Variants in GALNTL6 observed in about 807,000 individuals in gnomAD.
GALNTL6 encodes polypeptide N-acetylgalactosaminyltransferase like 6, also known as polypeptide N-acetylgalactosaminyltransferase-like 6.
In GALNTL6, 46 loss-of-function variants were observed where a neutral mutation model predicts 73.7. That is an observed-to-expected ratio of 0.62 (90% CI 0.49 to 0.80). The LOEUF is 0.80. GALNTL6 is among the 30% of genes least tolerant of loss of function. The pLI, the probability that GALNTL6 is intolerant of heterozygous loss-of-function variation, is 0.00. For synonymous variants in GALNTL6, 259 were observed against 263.7 expected, an observed-to-expected ratio of 0.98 and a Z score of 0.17; for missense variants, 604 against 755.0, an observed-to-expected ratio of 0.80 and a Z score of 2.34.
At chr4:171,963,457 A>G (rs1739290775) in intron 2 of GALNTL6, among the ~76,000 whole-genome samples, 1 of 124,662 alleles carries the variant, frequency 8.0e-6, no homozygotes, top group African/African-American at 2.9e-5. Flanking sequence ...GTGGAATTTA[A>G]AGAGTGTTAT....
At chr4:172,658,492 G>GAA (rs910757766) in intron 5 of GALNTL6, among the ~76,000 whole-genome samples, 1 of 141,578 alleles carries the variant, frequency 7.1e-6, no homozygotes, top group Non-Finnish European at 1.6e-5. Context: ...GAAAGAAAAA[G>GAA]AAAAAAAAAA....
chr4:172,307,012 C>T (rs1305567921), intron 3 of GALNTL6, among the ~76,000 whole-genome samples: 2 of 152,134 alleles, frequency 1.3e-5, no homozygotes, highest in South Asian at 4.1e-4. Context: ...GGTAGTTCTA[C>T]TTTTAGTTCT....
chr4:172,733,954 C>T (rs1736303075), intron 5 of GALNTL6, among the ~76,000 whole-genome samples: 1 of 152,074 alleles, frequency 6.6e-6, no homozygotes, highest in African/African-American at 2.4e-5. Flanking sequence ...CAGAAGAAGA[C>T]AGGAAGATGT....
chr4:171,962,915 G>A (rs1054932718), intron 2 of GALNTL6, among the ~76,000 whole-genome samples: 1 of 151,538 alleles, frequency 6.6e-6, no homozygotes, highest in Non-Finnish European at 1.5e-5. Flanking sequence ...CTATAGGTGT[G>A]CACCACCATG....
At chr4:171,989,412 C>T (rs1740254460) in intron 2 of GALNTL6, among the ~76,000 whole-genome samples, 1 of 152,256 alleles carries the variant, frequency 6.6e-6, no homozygotes, top group Admixed American at 6.5e-5. Context: ...CAATGGGTTC[C>T]TACACAGATG....
intron 12 of GALNTL6, among the ~76,000 whole-genome samples, chr4:173,033,296 C>G (rs1000419024): frequency 6.6e-6 from 1 of 151,894 alleles, no homozygotes; most frequent in Non-Finnish European, 1.5e-5. Flanking sequence ...AGCCACTGTG[C>G]CCAGCCAAGA....
chr4:172,944,584 A>G (rs538359073), intron 9 of GALNTL6, among the ~76,000 whole-genome samples: 1 of 152,364 alleles, frequency 6.6e-6, no homozygotes, highest in South Asian at 2.1e-4. Context: ...CTAGAGTACA[A>G]CCTAGCCATT....
At position 172,562,227 on chromosome 4, in the gene GALNTL6, C is replaced by A. The variant is rs150557970; in HGVS notation, c.553+213538C>A. On this transcript the variant is annotated intron_variant, in intron 5 of 12. Coordinates refer to ENST00000506823, the MANE Select transcript of GALNTL6 (RefSeq NM_001034845.3). ...ACTCATTAGAAAGTGGTTGCTTCTG[C>A]TGGCAATCTCTGCACTCACCCCCAA... Among the ~76,000 whole-genome samples, 31 of 152,300 alleles carry A rather than the reference C, an allele frequency of 2.0e-4. No homozygotes were observed. In the East Asian group the frequency reaches 4.8e-3, roughly 24 times the overall value.
At chr4:172,289,600 C>T (rs560896845) in intron 3 of GALNTL6, among the ~76,000 whole-genome samples, 1 of 152,286 alleles carries the variant, frequency 6.6e-6, no homozygotes, top group Admixed American at 6.5e-5. Flanking sequence ...ATTCTCAAAA[C>T]TAATTGTCAT....
chr4:171,841,954 A>G (rs1423446502), intron 2 of GALNTL6, among the ~76,000 whole-genome samples: 5 of 152,244 alleles, frequency 3.3e-5, no homozygotes, highest in South Asian at 2.1e-4. Flanking sequence ...AGGCATGAAA[A>G]TAATTTCATG....
intron 5 of GALNTL6, among the ~76,000 whole-genome samples, chr4:172,401,951 GGGGA>G (rs60773108): frequency 0.17 from 17,252 of 99,498 alleles, 1,330 homozygotes; most frequent in East Asian, 0.33. Flanking sequence ...AAGGGGGAGG[GGGGA>G]GAGAGAGAGA....
At chr4:171,870,868 A>C (rs1432669766) in intron 2 of GALNTL6, among the ~76,000 whole-genome samples, 1 of 152,182 alleles carries the variant, frequency 6.6e-6, no homozygotes. Flanking sequence ...CACCTTCAGA[A>C]GCAGCATGAC....
At chr4:172,084,627 A>G (rs752062343) in intron 2 of GALNTL6, among the ~76,000 whole-genome samples, 1 of 152,072 alleles carries the variant, frequency 6.6e-6, no homozygotes, top group Non-Finnish European at 1.5e-5. Flanking sequence ...TTTTGTCTTT[A>G]TTTTTTATTT....
chr4:172,349,497 T>C (rs1049800458), intron 5 of GALNTL6, among the ~76,000 whole-genome samples: 1 of 152,148 alleles, frequency 6.6e-6, no homozygotes, highest in Non-Finnish European at 1.5e-5. Flanking sequence ...GAAGTTTTAA[T>C]TGAAGTTAAT....
chr4:172,755,138 A>G (rs113008687), intron 5 of GALNTL6, among the ~76,000 whole-genome samples: 4 of 152,288 alleles, frequency 2.6e-5, no homozygotes, highest in African/African-American at 4.8e-5. Flanking sequence ...AGATTCTACT[A>G]CATCATTCAG....
chr4:172,939,353 T>G (rs968570367), intron 9 of GALNTL6, among the ~76,000 whole-genome samples: 4 of 152,164 alleles, frequency 2.6e-5, no homozygotes, highest in African/African-American at 4.8e-5. Flanking sequence ...GAGCTTTTTA[T>G]TTTAAAAATC....
At chr4:172,626,767 A>G (rs1212029468) in intron 5 of GALNTL6, among the ~76,000 whole-genome samples, 3 of 152,098 alleles carry the variant, frequency 2.0e-5, no homozygotes, top group Non-Finnish European at 4.4e-5. Flanking sequence ...TGTAAATGGC[A>G]TTGCATTCTT....
chr4:173,021,521 C>T lies in GALNTL6; in HGVS notation c.1534C>T (p.Leu512=), dbSNP rs1367208637. 6.2e-7 allele frequency: 1 copy of T among 1,613,954 alleles called. No individual in the cohort carries two copies. Residue 512 remains leucine (L), a synonymous_variant, in exon 12 of 13, where the codon CTG becomes TTG. Transcript: ENST00000506823. Reference sequence around the variant, plus strand: ...AGAAGATATTCGACCCGGTGAGCCACTGCATACCCGGAAATTCTGCTTTGA... The same window carrying T: ...AGAAGATATTCGACCCGGTGAGCCATTGCATACCCGGAAATTCTGCTTTGA... ...WREDIRPGEP[L]HTRKFCFDAI... is the part of the protein sequence containing the mutation.
intron 7 of GALNTL6, among the ~76,000 whole-genome samples, chr4:172,858,493 C>G (rs1744225738): frequency 2.0e-5 from 3 of 152,110 alleles, no homozygotes; most frequent in African/African-American, 7.2e-5. Flanking sequence ...GGCAATGGAG[C>G]AACCCATGCA....
Sources: gnomAD v4.1 joint callset for allele counts (sites outside exome capture counted in the v4.1 genomes callset) on GRCh38, gnomAD v4.1.1 for gene constraint, MANE v1.5 for transcripts, NCBI Gene and HGNC (gene_info 2026-07-23, HGNC 2026-07-21) for gene names.